The following ATF1 variants were observed in gnomAD, a reference collection of about 807,000 sequenced individuals.
The protein encoded by ATF1 is activating transcription factor 1, also known as cyclic AMP-dependent transcription factor ATF-1.
A neutral mutation model predicts 34.7 loss-of-function variants in ATF1; 16 were observed. The observed-to-expected ratio is 0.46, with a 90% CI of 0.31 to 0.70. The LOEUF (loss-of-function observed/expected upper bound fraction) is 0.70, where lower values mean the gene tolerates loss of function less well. Among genes scored for constraint, ATF1 ranks in the 30% least tolerant of loss-of-function variants. The pLI is 0.05. For synonymous variants in ATF1, 105 were observed against 113.1 expected (o/e 0.93, Z 0.46); for missense variants, 255 against 321.6 (o/e 0.79, Z 1.58).
intron 3 of ATF1, among the ~76,000 whole-genome samples, chr12:50,805,377 G>T (rs979088296): frequency 1.1e-4 from 16 of 151,628 alleles, no homozygotes; most frequent in African/African-American, 2.9e-4. Context: ...GCAACATAGG[G>T]ATACCTTGTC....
chr12:50,769,744 C>G (rs1940727005), intron 1 of ATF1, among the ~76,000 whole-genome samples: 1 of 152,140 alleles, frequency 6.6e-6, no homozygotes, highest in South Asian at 2.1e-4. Context: ...AGTGGCTCTC[C>G]TAAAACTTTT....
chr12:50,764,491 G>C (rs1179141840), intron 1 of ATF1, 184 bp downstream of exon 1: 1 of 152,154 alleles, frequency 6.6e-6, no homozygotes, highest in Non-Finnish European at 1.5e-5. Flanking sequence ...CCGCGCCTCG[G>C]TGCAGAGCTG....
At chr12:50,787,728 T>C (rs1460740159) in intron 2 of ATF1, among the ~76,000 whole-genome samples, 5 of 150,944 alleles carry the variant, frequency 3.3e-5, no homozygotes, top group Non-Finnish European at 7.4e-5. Context: ...GGTGTCAGAG[T>C]GAGGCCTTGT....
rs534959724 is a variant in ATF1 at position 50,769,880 on chromosome 12, G to T, written c.-7+5573G>T. On this transcript the variant is annotated intron_variant, in intron 1 of 6. Transcript: ENST00000262053. ...AATAACTTTGGAAATTGTAACATTAGAATAGAGGAAACAACTTTCAGAACT... is the reference window on the plus strand; with the variant it reads ...AATAACTTTGGAAATTGTAACATTATAATAGAGGAAACAACTTTCAGAACT... Among the ~76,000 whole-genome samples, 205 of 152,268 alleles carry T rather than the reference G, an allele frequency of 1.3e-3. 2 individuals carry two copies. The highest frequency in any genetic ancestry group is 6.8e-4 in the Non-Finnish European group (46 of 68,024).
chr12:50,773,836 C>T (rs998053513), intron 1 of ATF1, among the ~76,000 whole-genome samples: 10 of 151,870 alleles, frequency 6.6e-5, no homozygotes, highest in African/African-American at 2.2e-4. Context: ...GTGATCTGCC[C>T]GCCTCGATCT....
Position 50,781,964 on chromosome 12 carries a change from T to C in ATF1, c.93+1726T>C, listed in dbSNP as rs1039741286. Among the ~76,000 whole-genome samples, 4 of 150,680 alleles carry C rather than the reference T, an allele frequency of 2.7e-5. No homozygotes were observed. The East Asian group carries it at 7.8e-4, about 29-fold the overall frequency. ...GCATGAGTGTAAGAGCCATTTAAAGTGCAAGATGAGACTAACGGATTTTAA... is the reference window on the plus strand; with the variant it reads ...GCATGAGTGTAAGAGCCATTTAAAGCGCAAGATGAGACTAACGGATTTTAA... On this transcript the variant is annotated intron_variant, in intron 2 of 6. Coordinates refer to ENST00000262053, the MANE Select transcript of ATF1 (RefSeq NM_005171.5).
rs1340190860 is a variant in ATF1 at position 50,804,236 on chromosome 12, AAACT to A, written c.195-5216_195-5213del. On this transcript the variant is annotated intron_variant, in intron 3 of 6. Coordinates refer to ENST00000262053, the MANE Select transcript of ATF1 (RefSeq NM_005171.5). ...CATACCACGAAAACACTAATGAAAAAAACTAACATGGCTATATTAATGTCATATA... is the reference window on the plus strand; with the variant it reads ...CATACCACGAAAACACTAATGAAAAAAACATGGCTATATTAATGTCATATA... Among the ~76,000 whole-genome samples, 3 of 152,238 alleles carry A rather than the reference AAACT, an allele frequency of 2.0e-5. No homozygotes were observed. The East Asian group carries it at 5.8e-4, about 29-fold the overall frequency.
At chr12:50,818,834 G>A (rs1475245148) in intron 6 of ATF1, among the ~76,000 whole-genome samples, 1 of 152,152 alleles carries the variant, frequency 6.6e-6, no homozygotes, top group Non-Finnish European at 1.5e-5. Context: ...TCGAACTCCT[G>A]ACCTCAGGTG....
chr12:50,809,819 CTGTTTTGTTT>C (rs71443204), intron 4 of ATF1, among the ~76,000 whole-genome samples: 50 of 151,100 alleles, frequency 3.3e-4, no homozygotes, highest in South Asian at 6.3e-4. Context: ...ACATTAGATA[CTGTTTTGTTT>C]TGTTTTGTTT....
At chr12:50,763,786 G>A (rs1940550481), upstream of ATF1, 1 of 152,254 alleles carries the variant, frequency 6.6e-6, no homozygotes, top group Non-Finnish European at 1.5e-5. Context: ...CGCCCCCCGC[G>A]AGCACCCAGC....
intron 1 of ATF1, among the ~76,000 whole-genome samples, chr12:50,768,894 A>G (rs1251450265): frequency 1.3e-5 from 2 of 152,220 alleles, no homozygotes; most frequent in South Asian, 2.1e-4. Context: ...AAGCCATTAG[A>G]TTCTAGATAA....
chr12:50,802,790 T>A (rs1227579394), intron 3 of ATF1, among the ~76,000 whole-genome samples: 4 of 131,364 alleles, frequency 3.0e-5, no homozygotes. Flanking sequence ...AAGATTCACT[T>A]GAACCCAGAA....
chr12:50,813,796 A>G (rs1002852544), intron 4 of ATF1, among the ~76,000 whole-genome samples: 3 of 150,558 alleles, frequency 2.0e-5, no homozygotes, highest in Non-Finnish European at 4.4e-5. Flanking sequence ...CCTGGGCGGT[A>G]GAGCGAGACT....
intron 1 of ATF1, among the ~76,000 whole-genome samples, chr12:50,765,363 G>T (rs1318424601): frequency 1.3e-5 from 2 of 152,110 alleles, no homozygotes; most frequent in African/African-American, 4.8e-5. Context: ...CCCTAAAGTC[G>T]AATGTATTAG....
chr12:50,787,836 T>C (rs961903638), intron 2 of ATF1, among the ~76,000 whole-genome samples: 1 of 151,732 alleles, frequency 6.6e-6, no homozygotes, highest in African/African-American at 2.4e-5. Context: ...TGAAGATAGG[T>C]CAGTAGAAAT....
rs1209921979 is a variant in ATF1 at position 50,813,366 on chromosome 12, C to CTTAT, written c.329-641_329-638dup. ...AAGCTAAGAAACCATATAAAGATGA[C>CTTAT]TTATTTTCTCATTATATAACCTTTT... On this transcript the variant is annotated intron_variant, in intron 4 of 6. Coordinates refer to ENST00000262053, the MANE Select transcript of ATF1 (RefSeq NM_005171.5). Among the ~76,000 whole-genome samples, 5 of 152,208 alleles carry CTTAT rather than the reference C, an allele frequency of 3.3e-5. No individual in the cohort carries two copies. In the East Asian group the frequency reaches 7.7e-4, roughly 23 times the overall value.
rs1212638344 is a variant in ATF1, at chr12:50,809,724, G to A, written c.328+135G>A. 12 of 968,900 alleles carry A rather than the reference G, an allele frequency of 1.2e-5. No homozygotes were observed. In the African/African-American group the frequency reaches 1.3e-4, roughly 11 times the overall value. 60.0% of individuals were successfully genotyped at this position (968,900 alleles called of 1,614,324 possible). A position where few individuals can be genotyped will look rare whatever the true frequency, so the allele number is the denominator to read the frequency against. On this transcript the variant is annotated intron_variant, in intron 4 of 6. Transcript: ENST00000262053. ...GGATGTTTTCAGCCAGGAATAATGC[G>A]AAGTACTGTTTCAGCATTATTTACT...
chr12:50,797,071 T>C (rs959528181), intron 3 of ATF1, among the ~76,000 whole-genome samples: 3 of 152,178 alleles, frequency 2.0e-5, no homozygotes, highest in African/African-American at 7.2e-5. Flanking sequence ...GATACAGCTC[T>C]GAGTAGATTA....
At chr12:50,795,789 ATT>A in intron 2 of ATF1, 118 bp from the exon 3 acceptor site, 1 of 762,738 alleles carries the variant, frequency 1.3e-6, no homozygotes, top group South Asian at 1.7e-5. Context: ...TAGACTTTAG[ATT>A]TAATGTACAA....
Sources: allele counts gnomAD v4.1 joint callset (sites outside exome capture counted in the v4.1 genomes callset), GRCh38; gene constraint gnomAD v4.1.1; transcripts MANE v1.5; gene names NCBI Gene and HGNC (gene_info 2026-07-23, HGNC 2026-07-21).